The following ADAMTS17 variants were observed in gnomAD, a reference collection of about 807,000 sequenced individuals.
The protein encoded by ADAMTS17 is ADAM metallopeptidase with thrombospondin type 1 motif 17, also known as A disintegrin and metalloproteinase with thrombospondin motifs 17.
Under a neutral mutation model 141.5 loss-of-function variants are expected in ADAMTS17, and 113 were observed. That is an observed-to-expected ratio of 0.80 (90% CI 0.69 to 0.93). The LOEUF (loss-of-function observed/expected upper bound fraction) is 0.93. Among genes scored for constraint, ADAMTS17 ranks in the 40% least tolerant of loss-of-function variants. The pLI, the probability that ADAMTS17 is intolerant of heterozygous loss-of-function variation, is 0.00. For missense variants in ADAMTS17, 1,659 were observed against 1,517.9 expected (o/e 1.09, Z -1.54); for synonymous variants, 768 against 630.6 (o/e 1.22, Z -3.27).
Position 100,199,324 on chromosome 15 carries a change from C to T in ADAMTS17, c.1175G>A (p.Gly392Asp). ...NLAFTIAHEL[G>D]HNLGMNHDDD... ...CACAGAGTCTGATACTTACTTGTGG[C>T]CCAGCTCATGGGCGATGGTAAAGGC... The change falls in exon 8 of 22, where the codon GGC becomes GAC. Residue 392 changes from glycine (G) to aspartate (D), a missense_variant. Physicochemically the swap from Gly to Asp is moderately conservative, Grantham distance 94. Coordinates refer to ENST00000268070, the MANE Select transcript of ADAMTS17 (RefSeq NM_139057.4). 1.2e-6 allele frequency: 2 copies of T among 1,614,094 alleles called. No homozygotes were observed. The highest frequency in any genetic ancestry group is 1.7e-6 in the Non-Finnish European group (2 of 1,179,934).
At chr15:100,340,999 C>A (rs1193935149) in intron 2 of ADAMTS17, 40 bp downstream of exon 2, 2 of 1,523,952 alleles carry the variant, frequency 1.3e-6, no homozygotes, top group Admixed American at 2.0e-5. Flanking sequence ...TGCGTCGCAA[C>A]AGACCGGACG....
intron 15 of ADAMTS17, among the ~76,000 whole-genome samples, chr15:100,075,722 G>C (rs558440543): frequency 2.0e-5 from 3 of 152,084 alleles, no homozygotes; most frequent in African/African-American, 7.2e-5. Flanking sequence ...TTTTCTTTTG[G>C]GGGGGATATC....
At chr15:100,223,657 AC>A (rs2042204867) in intron 7 of ADAMTS17, among the ~76,000 whole-genome samples, 1 of 151,810 alleles carries the variant, frequency 6.6e-6, no homozygotes, top group Non-Finnish European at 1.5e-5. Context: ...AACTTCACAC[AC>A]ACACACCCAC....
At chr15:100,252,057 A>G (rs1484020622) in intron 7 of ADAMTS17, among the ~76,000 whole-genome samples, 2 of 152,186 alleles carry the variant, frequency 1.3e-5, no homozygotes, top group Non-Finnish European at 2.9e-5. Flanking sequence ...TAGTATGATG[A>G]TGTGGCTTAG....
intron 17 of ADAMTS17, among the ~76,000 whole-genome samples, chr15:100,049,227 AAGC>A (rs1312854622): frequency 1.3e-5 from 2 of 152,186 alleles, no homozygotes; most frequent in Admixed American, 6.5e-5. Context: ...CAAGATAAGA[AAGC>A]AGCAACACCT....
intron 4 of ADAMTS17, among the ~76,000 whole-genome samples, chr15:100,279,771 T>A (rs946817420): frequency 4.6e-5 from 7 of 152,128 alleles, no homozygotes; most frequent in Non-Finnish European, 8.8e-5. Context: ...TGACTAGGCT[T>A]CTCTCTCCTC....
At chr15:100,217,273 C>T (rs1392314805) in intron 7 of ADAMTS17, among the ~76,000 whole-genome samples, 3 of 152,196 alleles carry the variant, frequency 2.0e-5, no homozygotes, top group Non-Finnish European at 4.4e-5. Context: ...ACCCCTACTT[C>T]GCATCATACA....
chr15:100,076,427 C>T (rs957804122), intron 15 of ADAMTS17, among the ~76,000 whole-genome samples: 1 of 152,126 alleles, frequency 6.6e-6, no homozygotes, highest in African/African-American at 2.4e-5. Flanking sequence ...TTCATCTTTT[C>T]CTTGGTAAGA....
chr15:100,122,541 G>T (rs2037502944), intron 12 of ADAMTS17, among the ~76,000 whole-genome samples: 1 of 152,152 alleles, frequency 6.6e-6, no homozygotes, highest in Non-Finnish European at 1.5e-5. Flanking sequence ...GGTTAGAAAT[G>T]CTGACCCCTC....
intron 3 of ADAMTS17, among the ~76,000 whole-genome samples, chr15:100,285,379 AAAC>A (rs1216219302): frequency 2.0e-5 from 3 of 152,362 alleles, no homozygotes; most frequent in East Asian, 1.9e-4. Context: ...GAAAAAATAA[AAAC>A]AACAACTATC....
At chr15:100,049,075 T>G in intron 17 of ADAMTS17, 83 bp from the exon 18 acceptor site, 1 of 1,603,144 alleles carries the variant, frequency 6.2e-7, no homozygotes, top group Non-Finnish European at 8.5e-7. Flanking sequence ...TGAAAGCATG[T>G]TTGGGTGCTG....
chr15:100,248,255 G>T (rs1045971992), intron 7 of ADAMTS17, among the ~76,000 whole-genome samples: 13 of 152,162 alleles, frequency 8.5e-5, no homozygotes, highest in African/African-American at 3.1e-4. Flanking sequence ...GCAAAAAGAA[G>T]ACTAGCTTGA....
At chr15:100,082,478 C>A (rs1305638546) in intron 15 of ADAMTS17, among the ~76,000 whole-genome samples, 1 of 151,922 alleles carries the variant, frequency 6.6e-6, no homozygotes, top group Non-Finnish European at 1.5e-5. Flanking sequence ...CACCCCCACC[C>A]CAGCTCATGC....
intron 2 of ADAMTS17, among the ~76,000 whole-genome samples, chr15:100,338,811 G>C (rs1431342726): frequency 3.3e-5 from 5 of 151,998 alleles, no homozygotes; most frequent in Middle Eastern, 3.2e-3. Flanking sequence ...CCACAGTCAA[G>C]AGGGACTAAC....
At chr15:100,306,960 G>A (rs2045247403) in intron 3 of ADAMTS17, among the ~76,000 whole-genome samples, 2 of 152,152 alleles carry the variant, frequency 1.3e-5, no homozygotes, top group Non-Finnish European at 2.9e-5. Flanking sequence ...ACAGAAAGGA[G>A]AACGAGGCTG....
intron 6 of ADAMTS17, among the ~76,000 whole-genome samples, chr15:100,257,634 G>C (rs1269467899): frequency 6.6e-6 from 1 of 152,198 alleles, no homozygotes; most frequent in Non-Finnish European, 1.5e-5. Context: ...CTCTGTACCT[G>C]GATGAGGACA....
At chr15:100,191,848 C>T (rs1245365205) in intron 8 of ADAMTS17, among the ~76,000 whole-genome samples, 1 of 152,074 alleles carries the variant, frequency 6.6e-6, no homozygotes, top group Non-Finnish European at 1.5e-5. Flanking sequence ...ACAGCTGCCC[C>T]GTGGGTCCTC....
intron 7 of ADAMTS17, among the ~76,000 whole-genome samples, chr15:100,206,536 G>A (rs1394993701): frequency 6.6e-6 from 1 of 152,180 alleles, no homozygotes; most frequent in Non-Finnish European, 1.5e-5. Context: ...CCACTTCAGT[G>A]ACAGCTTTCA....
chr15:100,070,720 A>C (rs1312546215), intron 15 of ADAMTS17, among the ~76,000 whole-genome samples: 1 of 149,924 alleles, frequency 6.7e-6, no homozygotes, highest in Admixed American at 6.7e-5. Context: ...ACATACCAGA[A>C]TCTCTGGGAC....
Sources: gnomAD v4.1 joint callset for allele counts (sites outside exome capture counted in the v4.1 genomes callset) on GRCh38, gnomAD v4.1.1 for gene constraint, MANE v1.5 for transcripts, NCBI Gene and HGNC (gene_info 2026-07-23, HGNC 2026-07-21) for gene names.